Variants in RBFOX1 observed in about 807,000 individuals in gnomAD.
The protein encoded by RBFOX1 is RNA binding protein fox-1 homolog 1.
A neutral mutation model predicts 57.7 loss-of-function variants in RBFOX1; 8 were observed. The ratio of observed to expected loss-of-function variants is 0.14; its 90% CI spans 0.08 to 0.25. RBFOX1 has a LOEUF of 0.25. Ranked by LOEUF, RBFOX1 falls within the 10% of genes least tolerant of loss-of-function variation. The probability of loss-of-function intolerance (pLI) is 1.00; values close to 1 mark genes in which losing one functional copy is unlikely to be tolerated. For synonymous variants in RBFOX1, 326 were observed against 222.4 expected (o/e 1.47, Z -4.15); for missense variants, 611 against 548.5 (o/e 1.11, Z -1.14).
At chr16:6,819,875 T>C (rs1205098516) in intron 3 of RBFOX1, among the ~76,000 whole-genome samples, 1 of 152,102 alleles carries the variant, frequency 6.6e-6, no homozygotes, top group Non-Finnish European at 1.5e-5. Context: ...ACAATGTAAG[T>C]GCTTTCCTCA....
At chr16:7,443,284 G>T (rs1598522616) in intron 4 of RBFOX1, among the ~76,000 whole-genome samples, 1 of 151,962 alleles carries the variant, frequency 6.6e-6, no homozygotes, top group Non-Finnish European at 1.5e-5. Context: ...TTTTCTTGGT[G>T]GCTTAGAAGG....
intron 4 of RBFOX1, among the ~76,000 whole-genome samples, chr16:7,078,965 C>A (rs536553367): frequency 1.4e-5 from 2 of 148,026 alleles, no homozygotes; most frequent in Admixed American, 6.9e-5. Flanking sequence ...ACCTTGGCCT[C>A]CCAACAAGAC....
At chr16:6,948,017 A>T (rs1038659178) in intron 3 of RBFOX1, among the ~76,000 whole-genome samples, 1 of 152,144 alleles carries the variant, frequency 6.6e-6, no homozygotes, top group African/African-American at 2.4e-5. Context: ...GACCTAAAGC[A>T]GTCCAGCTGC....
chr16:5,638,046 G>C (rs1048967275), intron 3 of RBFOX1, among the ~76,000 whole-genome samples: 1 of 152,218 alleles, frequency 6.6e-6, no homozygotes, highest in African/African-American at 2.4e-5. Context: ...TCATACGGGA[G>C]TTCCTTTTCT....
rs200825156 is a variant in RBFOX1, at chr16:6,628,553, C to A, written c.-63-26050C>A. On this transcript the variant is annotated intron_variant, in intron 2 of 15. Coordinates refer to ENST00000550418, the MANE Select transcript of RBFOX1 (RefSeq NM_018723.4). The stretch of plus-strand genomic sequence containing the variant: ...ATCCATCACTTCATCTACCAATCCA[C>A]CTCATTTTGTTTTTTTATGCATTTC... Among the ~76,000 whole-genome samples, 21 of 152,268 alleles carry A rather than the reference C, an allele frequency of 1.4e-4. No homozygotes were observed. The East Asian group carries it at 3.9e-3, about 28-fold the overall frequency.
At chr16:7,225,593 T>G (rs1216471832) in intron 4 of RBFOX1, among the ~76,000 whole-genome samples, 1 of 151,750 alleles carries the variant, frequency 6.6e-6, no homozygotes, top group Non-Finnish European at 1.5e-5. Flanking sequence ...TGTGAGATGA[T>G]GAGATTGTGA....
At chr16:6,892,986 G>A (rs2065889602) in intron 3 of RBFOX1, among the ~76,000 whole-genome samples, 1 of 151,952 alleles carries the variant, frequency 6.6e-6, no homozygotes, top group South Asian at 2.1e-4. Flanking sequence ...ACTTTTAATT[G>A]CAAAAACTAC....
intron 4 of RBFOX1, among the ~76,000 whole-genome samples, chr16:7,203,585 G>T (rs1417708754): frequency 6.6e-6 from 1 of 152,210 alleles, no homozygotes; most frequent in Non-Finnish European, 1.5e-5. Flanking sequence ...AATTATAGAG[G>T]TGGGCCGTGC....
At chr16:5,744,946 T>C (rs1010802802) in intron 3 of RBFOX1, among the ~76,000 whole-genome samples, 5 of 151,968 alleles carry the variant, frequency 3.3e-5, no homozygotes, top group Non-Finnish European at 7.4e-5. Context: ...CTAATTTTTG[T>C]ATTTTTTTTT....
chr16:7,487,558 C>T (rs988914577), intron 4 of RBFOX1, among the ~76,000 whole-genome samples: 2 of 152,268 alleles, frequency 1.3e-5, no homozygotes, highest in Admixed American at 6.5e-5. Flanking sequence ...TTCCATGTTT[C>T]AGAATTCTCA....
intron 4 of RBFOX1, among the ~76,000 whole-genome samples, chr16:7,333,897 T>C (rs538943057): frequency 3.9e-5 from 6 of 152,158 alleles, no homozygotes; most frequent in Non-Finnish European, 8.8e-5. Flanking sequence ...AAATCCAAGG[T>C]GGCTTTTTGT....
intron 2 of RBFOX1, among the ~76,000 whole-genome samples, chr16:6,616,624 G>A (rs1315753258): frequency 2.6e-5 from 4 of 152,172 alleles, no homozygotes; most frequent in African/African-American, 7.2e-5. Flanking sequence ...GCAGTGAGCC[G>A]AGATCGTGCC....
At chr16:6,792,768 C>T (rs911223428) in intron 3 of RBFOX1, among the ~76,000 whole-genome samples, 10 of 152,138 alleles carry the variant, frequency 6.6e-5, no homozygotes, top group African/African-American at 2.4e-4. Flanking sequence ...TGGTGGCTCA[C>T]GCCTGTAATC....
chr16:6,187,427 T>G (rs186079000), intron 1 of RBFOX1, among the ~76,000 whole-genome samples: 1 of 152,270 alleles, frequency 6.6e-6, no homozygotes, highest in East Asian at 1.9e-4. Context: ...ATAACAGGGA[T>G]AAAAGATTGG....
intron 3 of RBFOX1, among the ~76,000 whole-genome samples, chr16:6,745,011 A>G (rs1242523701): frequency 1.3e-5 from 2 of 151,986 alleles, no homozygotes; most frequent in South Asian, 2.1e-4. Context: ...ATCACTACAG[A>G]CTCTATAGGT....
chr16:5,309,627 A>G (rs1388616367), intron 1 of RBFOX1, among the ~76,000 whole-genome samples: 1 of 152,076 alleles, frequency 6.6e-6, no homozygotes, highest in African/African-American at 2.4e-5. Context: ...TGTACATTGT[A>G]CCTGTGGAGT....
At position 7,094,208 on chromosome 16, in the gene RBFOX1, T is replaced by C. The variant is rs7191515; in HGVS notation, c.27+42110T>C. 3.8e-3 allele frequency among the ~76,000 whole-genome samples: 572 copies of C among 152,116 alleles called. 1 individual carries two copies. The highest frequency in any genetic ancestry group is 0.01 in the Middle Eastern group (3 of 294). ...GCGGGTTTGAAAGACATAAGCAAAT[T>C]AGTTTCTGTGCAAACTTGTGTCCCC... is the stretch of plus-strand genomic sequence containing the variant. On this transcript the variant is annotated intron_variant, in intron 4 of 15. Transcript: ENST00000550418.
At chr16:6,814,233 C>G (rs561451438) in intron 3 of RBFOX1, among the ~76,000 whole-genome samples, 9 of 136,444 alleles carry the variant, frequency 6.6e-5, no homozygotes, top group African/African-American at 2.2e-4. Context: ...TGTAATAACA[C>G]AGAGAGAAAA....
chr16:6,798,023 G>A (rs2084494014), intron 3 of RBFOX1, among the ~76,000 whole-genome samples: 1 of 152,074 alleles, frequency 6.6e-6, no homozygotes, highest in Non-Finnish European at 1.5e-5. Context: ...TGATGATGAT[G>A]GTGATGATGA....
Sources: allele counts gnomAD v4.1 joint callset (sites outside exome capture counted in the v4.1 genomes callset), GRCh38; gene constraint gnomAD v4.1.1; transcripts MANE v1.5; gene names NCBI Gene and HGNC (gene_info 2026-07-23, HGNC 2026-07-21).